Variants in IQCH observed in about 807,000 individuals in gnomAD.
IQCH encodes IQ motif containing H.
Under a neutral mutation model 117.0 loss-of-function variants are expected in IQCH, and 98 were observed. The ratio of observed to expected loss-of-function variants is 0.84; its 90% CI spans 0.71 to 0.99. IQCH has a LOEUF of 0.99. Ranked by LOEUF, IQCH falls within the 50% of genes least tolerant of loss-of-function variation. The probability of loss-of-function intolerance (pLI) is 0.00; values close to 1 mark genes in which losing one functional copy is unlikely to be tolerated. For synonymous variants in IQCH, 412 were observed against 448.2 expected (o/e 0.92, Z 1.02); for missense variants, 1,102 against 1,243.8 (o/e 0.89, Z 1.72).
At chr15:67,276,947 A>G (rs577975930) in intron 3 of IQCH, among the ~76,000 whole-genome samples, 261 of 152,246 alleles carry the variant, frequency 1.7e-3, no homozygotes, top group African/African-American at 5.9e-3. Context: ...TTGTATTCCT[A>G]TAAGTATGTC....
chr15:67,384,762 T>G lies in IQCH; in HGVS notation c.1373-174T>G, dbSNP rs1421527104. Among the ~76,000 whole-genome samples, 1 of 152,084 alleles carries G rather than the reference T, an allele frequency of 6.6e-6. No individual in the cohort carries two copies. Among genetic ancestry groups the G allele is most frequent in the African/African-American group, 2.4e-5 (1 of 41,420 alleles). On this transcript the variant is annotated intron_variant, in intron 10 of 20. Transcript: ENST00000335894. This position sits in a 1 kb window ranked among gnomAD's most constrained non-coding sequence, Gnocchi z 4.3. ...CTTAGCACATCTTCCAGAATAATGT[T>G]TAATTCCCCCGAGAAACAAGCACCT... is the stretch of plus-strand genomic sequence containing the variant.
In IQCH at chr15:67,346,338, C is replaced by A. The variant is rs533852865; in HGVS notation, c.637+2147C>A. Reference sequence around the variant, plus strand: ...CCCCCCCCAAAAAAATACTATAGAACAGTGGTCCCCAACCTTTTTGACACC... The same window carrying A: ...CCCCCCCCAAAAAAATACTATAGAAAAGTGGTCCCCAACCTTTTTGACACC... On this transcript the variant is annotated intron_variant, in intron 6 of 20. Transcript: ENST00000335894. Among the ~76,000 whole-genome samples the A allele has an allele frequency of 6.6e-5, 10 of 151,664 alleles. 2 individuals carry two copies. Among genetic ancestry groups the A allele is most frequent in the African/African-American group, 2.4e-4 (10 of 41,220 alleles).
At chr15:67,469,821 T>G (rs926786852) in intron 17 of IQCH, among the ~76,000 whole-genome samples, 1 of 152,184 alleles carries the variant, frequency 6.6e-6, no homozygotes. Flanking sequence ...GGTTAAGAGA[T>G]GTTAAGCAAT....
At chr15:67,414,670 A>G (rs1209698555) in intron 14 of IQCH, among the ~76,000 whole-genome samples, 2 of 147,920 alleles carry the variant, frequency 1.4e-5, no homozygotes, top group Non-Finnish European at 3.0e-5. Context: ...AAAAATATAT[A>G]TATATATAAT....
intron 18 of IQCH, among the ~76,000 whole-genome samples, chr15:67,484,269 G>A (rs1006657645): frequency 6.6e-6 from 1 of 151,910 alleles, no homozygotes; most frequent in Non-Finnish European, 1.5e-5. Context: ...AGCAGGGCAC[G>A]GTGGCACACA....
intron 1 of IQCH, chr15:67,255,172 C>A (rs543018360): frequency 5.0e-6 from 3 of 594,222 alleles, no homozygotes; most frequent in Non-Finnish European, 6.1e-6. Flanking sequence ...GACTTTCTGC[C>A]TCTGGGAAAA....
rs2082047822 is a variant in IQCH at position 67,432,866 on chromosome 15, A to G, written c.2505+11289A>G. On this transcript the variant is annotated intron_variant, in intron 16 of 20. Transcript: ENST00000335894. This position sits in a 1 kb window ranked among gnomAD's most constrained non-coding sequence, Gnocchi z 5.0. ...AAATATTTATTTAATGAATGAATGA[A>G]TACTTCTCTAAATCCCCCTCTAGTA... Among the ~76,000 whole-genome samples the G allele has an allele frequency of 6.6e-6, 1 of 152,184 alleles. No homozygotes were observed. Among genetic ancestry groups the G allele is most frequent in the Non-Finnish European group, 1.5e-5 (1 of 68,034 alleles).
intron 14 of IQCH, among the ~76,000 whole-genome samples, chr15:67,410,225 C>T (rs1407307331): frequency 6.6e-6 from 1 of 152,174 alleles, no homozygotes; most frequent in Non-Finnish European, 1.5e-5. Context: ...GAAAACCCAA[C>T]TCAAAATGGC....
chr15:67,441,947 A>G (rs910843556), intron 16 of IQCH, among the ~76,000 whole-genome samples: 3 of 152,226 alleles, frequency 2.0e-5, no homozygotes, highest in Non-Finnish European at 2.9e-5. Flanking sequence ...TAAACAGACA[A>G]CCCACAGAGT....
intron 4 of IQCH, among the ~76,000 whole-genome samples, chr15:67,334,762 C>T (rs1968818620): frequency 6.6e-6 from 1 of 152,222 alleles, no homozygotes; most frequent in African/African-American, 2.4e-5. Context: ...AAGCCTTCTG[C>T]AATACAAGCA....
intron 3 of IQCH, among the ~76,000 whole-genome samples, chr15:67,263,828 A>G (rs1026486523): frequency 6.6e-6 from 1 of 152,218 alleles, no homozygotes. Context: ...ATCCTAAGAG[A>G]TGATTTATTA....
rs1212097515 is a variant in IQCH at position 67,348,696 on chromosome 15, T to A, written c.637+4505T>A. Among the ~76,000 whole-genome samples the A allele has an allele frequency of 2.0e-5, 3 of 152,220 alleles. No homozygotes were observed. The East Asian group carries it at 5.8e-4, about 29-fold the overall frequency. ...ATTTTTGTAATTAATTTTCCCCAAA[T>A]TGATCTATAAATTCAATGCAGTCCC... On this transcript the variant is annotated intron_variant, in intron 6 of 20. Transcript: ENST00000335894.
chr15:67,341,858 T>C (rs940434033), intron 5 of IQCH, among the ~76,000 whole-genome samples: 8 of 152,234 alleles, frequency 5.3e-5, no homozygotes, highest in Non-Finnish European at 1.2e-4. Flanking sequence ...GGTCCTTCCA[T>C]GTGTAAGAAT....
At chr15:67,291,815 CCT>C (rs1966761110) in intron 4 of IQCH, among the ~76,000 whole-genome samples, 1 of 152,002 alleles carries the variant, frequency 6.6e-6, no homozygotes, top group South Asian at 2.1e-4. Flanking sequence ...TGAGTTCTGC[CCT>C]CTCATTAGAA....
rs1212017068 is a variant in IQCH, at chr15:67,403,140, C to T, written c.2097+2835C>T. 2.0e-5 allele frequency among the ~76,000 whole-genome samples: 3 copies of T among 151,842 alleles called. No homozygotes were observed. Among genetic ancestry groups the T allele is most frequent in the Non-Finnish European group, 4.4e-5 (3 of 68,026 alleles). On this transcript the variant is annotated intron_variant, in intron 14 of 20. Coordinates refer to ENST00000335894, the MANE Select transcript of IQCH (RefSeq NM_001031715.3). This position sits in a 1 kb window ranked among gnomAD's most constrained non-coding sequence, Gnocchi z 4.8. ...TGGTGCATGCCTGTAGTACCAGCTA[C>T]TTGGGAGGCTGAGGCAGGAGAATTG...
intron 14 of IQCH, 111 bp downstream of exon 14, chr15:67,400,416 C>A (rs1971608349): frequency 7.2e-6 from 5 of 693,024 alleles, no homozygotes; most frequent in South Asian, 6.4e-5. Context: ...AGCTCTGTCA[C>A]CTGCCAGCAG....
Position 67,424,945 on chromosome 15 carries a change from T to C in IQCH, c.2505+3368T>C, listed in dbSNP as rs1293679428. ...GGTATCACTTCAGAAAACATCTTAATTTTTTTTCTAATTGACATGCCTTGT... is the reference window on the plus strand; with the variant it reads ...GGTATCACTTCAGAAAACATCTTAACTTTTTTTCTAATTGACATGCCTTGT... On this transcript the variant is annotated intron_variant, in intron 16 of 20. Coordinates refer to ENST00000335894, the MANE Select transcript of IQCH (RefSeq NM_001031715.3). This position sits in a 1 kb window ranked among gnomAD's most constrained non-coding sequence, Gnocchi z 4.9. Among the ~76,000 whole-genome samples, 1 of 152,148 alleles carries C rather than the reference T, an allele frequency of 6.6e-6. No individual in the cohort carries two copies. Among genetic ancestry groups the C allele is most frequent in the African/African-American group, 2.4e-5 (1 of 41,424 alleles).
At chr15:67,353,492 T>C (rs908473606) in intron 6 of IQCH, among the ~76,000 whole-genome samples, 2 of 152,024 alleles carry the variant, frequency 1.3e-5, no homozygotes, top group Admixed American at 6.5e-5. Context: ...CCCGAGTAGC[T>C]GGGACTACAG....
chr15:67,318,450 A>G (rs1305221081), intron 4 of IQCH, among the ~76,000 whole-genome samples: 2 of 152,244 alleles, frequency 1.3e-5, no homozygotes, highest in Non-Finnish European at 2.9e-5. Flanking sequence ...GTTTATAAGT[A>G]TGCCAGTTCT....
Sources: gnomAD v4.1 joint callset for allele counts (sites outside exome capture counted in the v4.1 genomes callset) on GRCh38, gnomAD v4.1.1 for gene constraint, Gnocchi (gnomAD v3.1) non-coding constraint, MANE v1.5 for transcripts, NCBI Gene and HGNC (gene_info 2026-07-23, HGNC 2026-07-21) for gene names.